Variants in FRA10AC1 observed in about 807,000 individuals in gnomAD.
FRA10AC1 encodes the protein FRA10A associated CGG repeat 1, also known as protein FRA10AC1.
FRA10AC1 carries 43 observed loss-of-function variants against 56.5 expected under a neutral mutation model. The observed-to-expected ratio is 0.76, with a 90% confidence interval of 0.60 to 0.98. The LOEUF is 0.98. Ranked by LOEUF, FRA10AC1 falls within the 50% of genes least tolerant of loss-of-function variation. The probability of loss-of-function intolerance (pLI) is 0.00; values close to 1 mark genes in which losing one functional copy is unlikely to be tolerated. For synonymous variants in FRA10AC1, 112 were observed against 110.5 expected, an observed-to-expected ratio of 1.01 and a Z score of -0.09; for missense variants, 346 against 351.8, an observed-to-expected ratio of 0.98 and a Z score of 0.13.
At position 93,694,870 on chromosome 10, in the gene FRA10AC1, T is replaced by C. The variant is rs376358924; in HGVS notation, c.287A>G (p.Lys96Arg). ...ACTTCCTGATACTTACCCCAAACGC[T>C]TGAAGTCTTCTTTTTTGCCACCATA... is the stretch of plus-strand genomic sequence containing the variant. ...LYYGGKKEDFKRLGENDKTDL... is the reference protein window; with the variant it reads ...LYYGGKKEDFRRLGENDKTDL... Residue 96 changes from lysine (K) to arginine (R), a missense_variant, in exon 5 of 14, where the codon AAG becomes AGG. Coordinates refer to ENST00000359204, the MANE Select transcript of FRA10AC1 (RefSeq NM_145246.5). 8.2e-6 allele frequency: 13 copies of C among 1,586,612 alleles called. No homozygotes were observed. The highest frequency in any genetic ancestry group is 4.5e-5 in the East Asian group (2 of 44,734).
At position 93,693,640 on chromosome 10, in the gene FRA10AC1, C is replaced by CACACCATATATATATACCATATATATAT. The variant is rs1554896367; in HGVS notation, c.297-939_297-912dup. Among the ~76,000 whole-genome samples, 41 of 58,856 alleles carry CACACCATATATATATACCATATATATAT rather than the reference C, an allele frequency of 7.0e-4. 2 individuals are homozygous for CACACCATATATATATACCATATATATAT. Among genetic ancestry groups the CACACCATATATATATACCATATATATAT allele is most frequent in the African/African-American group, 1.1e-3 (33 of 30,580 alleles). The allele number at this position is 58,856 out of a possible 152,430, so 38.6% of individuals were successfully genotyped here. ...TATATATATACACACCATATATATA[C>CACACCATATATATATACCATATATATAT]ACACCATATATATATACCATATATA... On this transcript the variant is annotated intron_variant, in intron 5 of 13. Coordinates refer to ENST00000359204, the MANE Select transcript of FRA10AC1 (RefSeq NM_145246.5).
At position 93,671,657 on chromosome 10, in the gene FRA10AC1, T is replaced by G. The variant is rs908364048; in HGVS notation, c.827-809A>C. ...TTAAAAACATTAGCATATCTGTATGTACTGCAATAGAAAAATGTCCATTCT... is the reference window on the plus strand; with the variant it reads ...TTAAAAACATTAGCATATCTGTATGGACTGCAATAGAAAAATGTCCATTCT... On this transcript the variant is annotated intron_variant, in intron 12 of 13. Transcript: ENST00000359204. 38 of 212,838 alleles carry G rather than the reference T, an allele frequency of 1.8e-4. No homozygotes were observed. The South Asian group carries it at 2.5e-3, about 14-fold the overall frequency. 13.2% of individuals were successfully genotyped at this position (212,838 alleles called of 1,614,324 possible).
At chr10:93,696,603 G>C (rs2059239312) in intron 4 of FRA10AC1, among the ~76,000 whole-genome samples, 1 of 152,036 alleles carries the variant, frequency 6.6e-6, no homozygotes, top group South Asian at 2.1e-4. Context: ...CCCATTACTG[G>C]GTATATACCA....
In FRA10AC1 at chr10:93,695,505, T is replaced by C. The variant is rs560442558; in HGVS notation, c.220-568A>G. ...TTCAAAGAATAAAATGCCATGTTTT[T>C]TCAAAGCATTGTAACAAAATATATG... On this transcript the variant is annotated intron_variant, in intron 4 of 13. Coordinates refer to ENST00000359204, the MANE Select transcript of FRA10AC1 (RefSeq NM_145246.5). Among the ~76,000 whole-genome samples the C allele has an allele frequency of 3.3e-5, 5 of 152,180 alleles. No individual in the cohort carries two copies. The South Asian group carries it at 1.0e-3, about 32-fold the overall frequency.
chr10:93,683,727 C>G (rs2058975314), intron 10 of FRA10AC1, among the ~76,000 whole-genome samples: 1 of 152,156 alleles, frequency 6.6e-6, no homozygotes, highest in Admixed American at 6.6e-5. Flanking sequence ...AAAACACTGT[C>G]TAAATGAGAC....
chr10:93,699,917 A>G (rs2059300723), intron 2 of FRA10AC1, 113 bp downstream of exon 2: 1 of 622,124 alleles, frequency 1.6e-6, no homozygotes, highest in Non-Finnish European at 2.8e-6. Flanking sequence ...CATTCACTAG[A>G]GCAATTGTCT....
intron 11 of FRA10AC1, among the ~76,000 whole-genome samples, chr10:93,679,738 T>C (rs1314788957): frequency 6.6e-6 from 1 of 151,928 alleles, no homozygotes; most frequent in Admixed American, 6.6e-5. Context: ...TTATGGAGAA[T>C]GGATTAAGAG....
At position 93,685,273 on chromosome 10, in the gene FRA10AC1, C is replaced by T. The variant is rs546505041; in HGVS notation, c.598G>A (p.Glu200Lys). 5 of 1,560,178 alleles carry T rather than the reference C, an allele frequency of 3.2e-6. No homozygotes were observed. Among genetic ancestry groups the T allele is most frequent in the Non-Finnish European group, 4.4e-6 (5 of 1,133,546 alleles). The change falls in exon 9 of 14, where the codon GAG (glutamate) becomes AAG (lysine). Residue 200 changes from glutamate to lysine, a missense_variant. By Grantham distance (56) the Glu-to-Lys change is moderately conservative. Transcript: ENST00000359204. ...EVNFGYIEHG[E>K]KRNALVKLRL... The stretch of plus-strand genomic sequence containing the variant: ...AATTTAACAAGTGCATTTCTCTTCT[C>T]ACCATGCTCAATATAACCAAAATTA...
intron 11 of FRA10AC1, among the ~76,000 whole-genome samples, chr10:93,680,418 C>T (rs1363478477): frequency 6.6e-6 from 1 of 152,132 alleles, no homozygotes; most frequent in East Asian, 1.9e-4. Context: ...CTTCCTCTCA[C>T]CATCTATCAA....
At chr10:93,680,288 A>C (rs1185028151) in intron 11 of FRA10AC1, among the ~76,000 whole-genome samples, 1 of 152,206 alleles carries the variant, frequency 6.6e-6, no homozygotes, top group Non-Finnish European at 1.5e-5. Flanking sequence ...TAAAACTCAA[A>C]ACATATTTTT....
chr10:93,692,529 T>C lies in FRA10AC1; in HGVS notation c.380+117A>G, dbSNP rs1000548302. The C allele has an allele frequency of 2.1e-4, 138 of 663,300 alleles. 1 individual carries two copies. In the African/African-American group the frequency reaches 2.4e-3, roughly 11 times the overall value. The allele number at this position is 663,300 out of a possible 1,614,324, so 41.1% of individuals were successfully genotyped here. A position where few individuals can be genotyped will look rare whatever the true frequency, so the allele number is the denominator to read the frequency against. On this transcript the variant is annotated intron_variant, in intron 6 of 13. Coordinates refer to ENST00000359204, the MANE Select transcript of FRA10AC1 (RefSeq NM_145246.5). Reference sequence around the variant, plus strand: ...AAATAATCCTAGGCTTGATTTTATGTCCTTGATTCAGAACTGTTCTATGAA... The same window carrying C: ...AAATAATCCTAGGCTTGATTTTATGCCCTTGATTCAGAACTGTTCTATGAA...
intron 12 of FRA10AC1, 41 bp from the exon 13 acceptor site, chr10:93,670,889 C>G (rs528954438): frequency 5.3e-6 from 7 of 1,309,144 alleles, no homozygotes; most frequent in Non-Finnish European, 7.7e-6. Flanking sequence ...ACCTATTATA[C>G]TTAAAGCACA....
intron 13 of FRA10AC1, among the ~76,000 whole-genome samples, chr10:93,670,320 GTTT>G (rs944255681): frequency 6.6e-6 from 1 of 152,048 alleles, no homozygotes; most frequent in African/African-American, 2.4e-5. Flanking sequence ...TTAGGCTGTA[GTTT>G]TTTTACTACA....
At chr10:93,674,056 C>T (rs12255765) in intron 12 of FRA10AC1, 3,761 of 154,954 alleles carry the variant, frequency 0.024, 167 homozygotes, top group African/African-American at 0.086. Context: ...GGTTCTTGGG[C>T]GATCTCATGT....
chr10:93,698,315 T>G lies in FRA10AC1; in HGVS notation c.159A>C (p.Ala53=). The G allele has an allele frequency of 1.2e-6, 2 of 1,610,406 alleles. No homozygotes were observed. The highest frequency in any genetic ancestry group is 1.7e-6 in the Non-Finnish European group (2 of 1,177,558). Residue 53 remains alanine, a synonymous_variant, in exon 3 of 14, where the codon GCA becomes GCC. Coordinates refer to ENST00000359204, the MANE Select transcript of FRA10AC1 (RefSeq NM_145246.5). The part of the protein sequence containing the change: ...HGKVAHKQVA[A]ELLDREEARN... ...AAATACCATACCTATCCAGCAATTC[T>G]GCTGCAACTTGTTTATGGGCCACCT...
At chr10:93,674,707 G>A (rs972365967) in intron 12 of FRA10AC1, 6 of 152,264 alleles carry the variant, frequency 3.9e-5, no homozygotes, top group Non-Finnish European at 7.3e-5. Context: ...AAAGGGCAGG[G>A]GGTGAAAGAC....
At chr10:93,694,789 G>A (rs2059201740) in intron 5 of FRA10AC1, 72 bp downstream of exon 5, 6 of 699,940 alleles carry the variant, frequency 8.6e-6, no homozygotes, top group Non-Finnish European at 1.3e-5. Context: ...GAATCAGAAG[G>A]CACAGTAGCT....
At chr10:93,688,934 T>C (rs2059076809) in intron 7 of FRA10AC1, among the ~76,000 whole-genome samples, 1 of 152,188 alleles carries the variant, frequency 6.6e-6, no homozygotes, top group Non-Finnish European at 1.5e-5. Context: ...GTTACTTAAC[T>C]TCTCTACTTC....
chr10:93,692,141 G>C (rs756675222), intron 6 of FRA10AC1, 48 bp from the exon 7 acceptor site: 5 of 1,325,256 alleles, frequency 3.8e-6, no homozygotes, highest in African/African-American at 1.5e-5. Context: ...ACTCAACCAT[G>C]GTTTGCTACT....
Sources: gnomAD v4.1 joint callset for allele counts (sites outside exome capture counted in the v4.1 genomes callset) on GRCh38, gnomAD v4.1.1 for gene constraint, MANE v1.5 for transcripts, NCBI Gene and HGNC (gene_info 2026-07-23, HGNC 2026-07-21) for gene names.